The following SDK2 variants were observed in gnomAD, a reference collection of about 807,000 sequenced individuals.
The protein encoded by SDK2 is protein sidekick-2.
SDK2 carries 105 observed loss-of-function variants against 253.9 expected under a neutral mutation model. That is an observed-to-expected ratio of 0.41 (90% CI 0.35 to 0.49). SDK2 has a LOEUF of 0.49. SDK2 is among the 20% of genes least tolerant of loss of function. The pLI is 0.06. For missense variants in SDK2, 2,608 were observed against 3,003.0 expected, an observed-to-expected ratio of 0.87 and a Z score of 3.07; for synonymous variants, 1,249 against 1,234.9, an observed-to-expected ratio of 1.01 and a Z score of -0.24.
At chr17:73,340,666 G>C (rs2062426701) in intron 44 of SDK2, among the ~76,000 whole-genome samples, 1 of 147,776 alleles carries the variant, frequency 6.8e-6, no homozygotes, top group African/African-American at 2.5e-5. Context: ...AACAACACTT[G>C]GTTACAAACT....
chr17:73,490,596 C>G (rs2063799544), intron 2 of SDK2, among the ~76,000 whole-genome samples: 1 of 136,518 alleles, frequency 7.3e-6, no homozygotes, highest in South Asian at 2.4e-4. Context: ...GGGGTAATCT[C>G]AGCTCACTGC....
chr17:73,600,354 G>A (rs558582200), intron 1 of SDK2, among the ~76,000 whole-genome samples: 11 of 152,214 alleles, frequency 7.2e-5, no homozygotes, highest in African/African-American at 9.6e-5. Context: ...AGCCCTGTTC[G>A]TGCTGCTAAC....
At chr17:73,444,765 G>A (rs1295321183) in intron 5 of SDK2, among the ~76,000 whole-genome samples, 2 of 152,166 alleles carry the variant, frequency 1.3e-5, no homozygotes, top group East Asian at 3.9e-4. Flanking sequence ...GGACTCGCCT[G>A]GGCCACAGGT....
chr17:73,603,128 AC>A (rs2045862795), intron 1 of SDK2, among the ~76,000 whole-genome samples: 1 of 152,194 alleles, frequency 6.6e-6, no homozygotes, highest in Non-Finnish European at 1.5e-5. Flanking sequence ...GTGTCTGCAG[AC>A]AGTGTCACAT....
At chr17:73,592,617 C>A (rs2045698737) in intron 1 of SDK2, among the ~76,000 whole-genome samples, 1 of 152,152 alleles carries the variant, frequency 6.6e-6, no homozygotes, top group African/African-American at 2.4e-5. Flanking sequence ...GGAGCTGTCA[C>A]CCTGAGTCAA....
rs2045038548 is a variant in SDK2 at position 73,550,547 on chromosome 17, G to A, written c.65-42950C>T. The stretch of plus-strand genomic sequence containing the variant: ...TCAGGGTGGCGGTGGAAGGGCAGGA[G>A]GGACCCAAGGAAGCCACAGAGCTTT... On this transcript the variant is annotated intron_variant, in intron 1 of 44. Coordinates refer to ENST00000392650, the MANE Select transcript of SDK2 (RefSeq NM_001144952.2). Among the ~76,000 whole-genome samples the A allele has an allele frequency of 2.6e-5, 4 of 152,074 alleles. No homozygotes were observed. In the South Asian group the frequency reaches 8.3e-4, roughly 32 times the overall value.
chr17:73,393,368 G>C (rs1325613534), intron 27 of SDK2, among the ~76,000 whole-genome samples, 192 bp downstream of exon 27: 1 of 152,114 alleles, frequency 6.6e-6, no homozygotes, highest in Non-Finnish European at 1.5e-5. Context: ...ATTGTCCTCA[G>C]GGATACACAG....
intron 36 of SDK2, among the ~76,000 whole-genome samples, chr17:73,372,817 G>A (rs929749035): frequency 1.2e-4 from 18 of 152,080 alleles, no homozygotes; most frequent in Admixed American, 1.2e-3. Flanking sequence ...TATACAACAT[G>A]GTGTTCTGAT....
intron 1 of SDK2, among the ~76,000 whole-genome samples, chr17:73,600,328 C>T (rs569911466): frequency 7.2e-5 from 11 of 152,356 alleles, no homozygotes; most frequent in African/African-American, 2.2e-4. Context: ...AGCTCTGGCT[C>T]TCTTGATCCT....
At chr17:73,525,387 G>A (rs990965780) in intron 1 of SDK2, among the ~76,000 whole-genome samples, 2 of 152,174 alleles carry the variant, frequency 1.3e-5, no homozygotes, top group African/African-American at 4.8e-5. Flanking sequence ...GCAAGGGAAA[G>A]GGAGAGTTTA....
intron 14 of SDK2, 101 bp from the exon 15 acceptor site, chr17:73,422,535 C>T: frequency 7.5e-7 from 1 of 1,337,120 alleles, no homozygotes; most frequent in Non-Finnish European, 1.0e-6. Flanking sequence ...CTGGGGCTGG[C>T]AAGAGAGAGC....
chr17:73,581,141 C>T (rs532905089), intron 1 of SDK2, among the ~76,000 whole-genome samples: 1 of 152,222 alleles, frequency 6.6e-6, no homozygotes, highest in African/African-American at 2.4e-5. Flanking sequence ...TTGGCCTCCC[C>T]AAAGTGCTGG....
At chr17:73,444,936 T>C (rs1162909404) in intron 5 of SDK2, among the ~76,000 whole-genome samples, 1 of 152,220 alleles carries the variant, frequency 6.6e-6, no homozygotes, top group East Asian at 1.9e-4. Context: ...GCTCCTGCAA[T>C]GTGGCTGGTG....
rs1006264670 is a variant in SDK2, at chr17:73,456,043, G to GCTC, written c.339_341dup (p.Gly113_Ser114insArg). On this transcript the variant is annotated inframe_insertion, in exon 4 of 45. Transcript: ENST00000392650. The stretch of plus-strand genomic sequence containing the variant: ...TCTGGTGCTTCTCACCTTCCTCAAA[G>GCTC]CTCCCCATGTCTGCAGCCGGGACAA... 23 of 1,509,506 alleles carry GCTC rather than the reference G, an allele frequency of 1.5e-5. No individual in the cohort carries two copies. The highest frequency in any genetic ancestry group is 2.0e-5 in the Non-Finnish European group (23 of 1,122,810). The allele number at this position is 1,509,506 out of a possible 1,614,324, so 93.5% of individuals were successfully genotyped here.
rs370584820 is a variant in SDK2, at chr17:73,438,034, G to A, written c.846C>T (p.Tyr282=). ...TGCTGCGCAGGACAGCCTCACACTC[G>A]TAGTAGCCGGCGTCACTGCCGGTGG... The part of the protein sequence containing the change: ...PNPTGSDAGY[Y]ECEAVLRSSS... Residue 282 remains tyrosine (Y), a synonymous_variant, in exon 7 of 45, where the codon TAC becomes TAT. Transcript: ENST00000392650. 405 of 1,551,590 alleles carry A rather than the reference G, an allele frequency of 2.6e-4. No individual in the cohort carries two copies. Among genetic ancestry groups the A allele is most frequent in the Admixed American group, 1.8e-3 (91 of 51,004 alleles).
Position 73,419,263 on chromosome 17 carries a change from C to T in SDK2, c.2089G>A (p.Val697Ile), listed in dbSNP as rs761795011. The change falls in exon 16 of 45, where the codon GTC (valine) becomes ATC (isoleucine). Residue 697 changes from valine (V) to isoleucine (I), a missense_variant. This residue lies in a region of SDK2 where 1,505 missense variants were observed against 1,859.1 expected (regional missense o/e 0.81). Coordinates refer to ENST00000392650, the MANE Select transcript of SDK2 (RefSeq NM_001144952.2). Reference protein sequence around the residue: ...EEPPTAPPQNVIASGRTNQSI... With the variant: ...EEPPTAPPQNIIASGRTNQSI... The stretch of plus-strand genomic sequence containing the variant: ...TGGTTGGTTCGACCGCTGGCGATGA[C>T]GTTCTGTGGAGGGGCCGTGGGGGGC... 8.7e-6 allele frequency: 14 copies of T among 1,613,014 alleles called. No homozygotes were observed. The highest frequency in any genetic ancestry group is 1.7e-4 in the Middle Eastern group (1 of 6,058).
At chr17:73,472,263 A>C in intron 2 of SDK2, 45 bp from the exon 3 acceptor site, 1 of 1,396,398 alleles carries the variant, frequency 7.2e-7, no homozygotes, top group Non-Finnish European at 9.9e-7. Flanking sequence ...AGGCAGCTGC[A>C]GGGGTACAGA....
intron 2 of SDK2, among the ~76,000 whole-genome samples, chr17:73,503,074 G>A (rs1432853456): frequency 2.6e-5 from 4 of 152,140 alleles, no homozygotes; most frequent in South Asian, 2.1e-4. Context: ...CTGCAAAGCC[G>A]GCTGGACTCT....
chr17:73,386,399 G>T, intron 31 of SDK2, 46 bp downstream of exon 31: 1 of 1,334,152 alleles, frequency 7.5e-7, no homozygotes, highest in Non-Finnish European at 1.1e-6. Context: ...TGCCCAGGAA[G>T]CAGCCAGTGG....
Sources: allele counts gnomAD v4.1 joint callset (sites outside exome capture counted in the v4.1 genomes callset), GRCh38; gene constraint gnomAD v4.1.1; regional missense constraint gnomAD v4.1.1; transcripts MANE v1.5; gene names NCBI Gene and HGNC (gene_info 2026-07-23, HGNC 2026-07-21).